Variants in RGS7 observed in about 807,000 individuals in gnomAD.
The protein encoded by RGS7 is regulator of G protein signaling 7.
Under a neutral mutation model 81.1 loss-of-function variants are expected in RGS7, and 27 were observed. That is an observed-to-expected ratio of 0.33 (90% CI 0.25 to 0.46). The LOEUF (loss-of-function observed/expected upper bound fraction) is 0.46. Among genes scored for constraint, RGS7 ranks in the 20% least tolerant of loss-of-function variants. The pLI, the probability that RGS7 is intolerant of heterozygous loss-of-function variation, is 1.00. For synonymous variants in RGS7, 208 were observed against 207.7 expected (o/e 1.00, Z -0.01); for missense variants, 396 against 607.4 (o/e 0.65, Z 3.66).
At chr1:241,054,404 AGGGTT>A (rs1378730164) in intron 3 of RGS7, among the ~76,000 whole-genome samples, 1 of 152,112 alleles carries the variant, frequency 6.6e-6, no homozygotes, top group East Asian at 1.9e-4. Flanking sequence ...GGAGTTTCCC[AGGGTT>A]TGATTCTCAT....
chr1:240,825,448 G>A (rs1692638382), intron 10 of RGS7, among the ~76,000 whole-genome samples: 1 of 152,168 alleles, frequency 6.6e-6, no homozygotes, highest in Admixed American at 6.5e-5. Flanking sequence ...TTATCAAAAG[G>A]TGAGAAAAAT....
At chr1:241,221,479 G>A (rs190314634) in intron 2 of RGS7, among the ~76,000 whole-genome samples, 2 of 152,350 alleles carry the variant, frequency 1.3e-5, no homozygotes, top group Admixed American at 1.3e-4. Context: ...ACGGGCAGAT[G>A]TAAATATCAC....
intron 2 of RGS7, among the ~76,000 whole-genome samples, chr1:241,131,034 C>G (rs1211100710): frequency 6.6e-6 from 1 of 151,038 alleles, no homozygotes; most frequent in Non-Finnish European, 1.5e-5. Flanking sequence ...AACTTTGTTA[C>G]AGAGATTTAT....
chr1:241,283,737 T>G (rs2078647358), intron 2 of RGS7, among the ~76,000 whole-genome samples: 1 of 152,154 alleles, frequency 6.6e-6, no homozygotes, highest in Non-Finnish European at 1.5e-5. Flanking sequence ...TTTTCCTCCT[T>G]ACAGGACTCT....
At chr1:240,854,548 G>A (rs1660724830) in intron 9 of RGS7, among the ~76,000 whole-genome samples, 1 of 152,152 alleles carries the variant, frequency 6.6e-6, no homozygotes, top group African/African-American at 2.4e-5. Flanking sequence ...GAAAGGAGAC[G>A]CTACGCCTCG....
At chr1:241,200,381 AACTAAAC>A (rs2073410064) in intron 2 of RGS7, among the ~76,000 whole-genome samples, 1 of 152,102 alleles carries the variant, frequency 6.6e-6, no homozygotes, top group Non-Finnish European at 1.5e-5. Flanking sequence ...AATTTTCACA[AACTAAAC>A]ACGTCCATGT....
At chr1:241,183,720 G>T (rs923766446) in intron 2 of RGS7, among the ~76,000 whole-genome samples, 1 of 152,210 alleles carries the variant, frequency 6.6e-6, no homozygotes. Flanking sequence ...CTGAATTCTA[G>T]TAAGAGAGTA....
intron 5 of RGS7, among the ~76,000 whole-genome samples, chr1:240,933,094 G>T (rs981926958): frequency 3.3e-5 from 5 of 150,084 alleles, no homozygotes; most frequent in South Asian, 4.2e-4. Context: ...GTGTTAGCCA[G>T]GATGGTCTCC....
At chr1:241,238,310 A>G (rs1389121528) in intron 2 of RGS7, among the ~76,000 whole-genome samples, 1 of 152,196 alleles carries the variant, frequency 6.6e-6, no homozygotes, top group Non-Finnish European at 1.5e-5. Flanking sequence ...ACTTCTGCCT[A>G]CAGATACTAT....
chr1:241,054,873 A>G (rs2061407542), intron 3 of RGS7, among the ~76,000 whole-genome samples: 1 of 152,192 alleles, frequency 6.6e-6, no homozygotes, highest in Non-Finnish European at 1.5e-5. Context: ...TAAAACTTAT[A>G]TCACTACTCT....
chr1:241,036,848 T>C (rs1304059568), intron 3 of RGS7, among the ~76,000 whole-genome samples: 2 of 152,142 alleles, frequency 1.3e-5, no homozygotes, highest in Non-Finnish European at 2.9e-5. Flanking sequence ...TCCTTCTCTA[T>C]AAAAAACCTC....
At chr1:241,299,935 CAAAAA>C (rs35939099) in intron 2 of RGS7, among the ~76,000 whole-genome samples, 69 of 58,072 alleles carry the variant, frequency 1.2e-3, no homozygotes, top group East Asian at 5.0e-3. Context: ...CTCGTTTCTC[CAAAAA>C]AAAAAAAAAA....
intron 6 of RGS7, among the ~76,000 whole-genome samples, chr1:240,896,669 C>T (rs936508294): frequency 2.0e-5 from 3 of 152,048 alleles, no homozygotes; most frequent in East Asian, 1.9e-4. Flanking sequence ...CAGTACCATG[C>T]GGTTTGGTTA....
chr1:241,162,805 G>C (rs187937026), intron 2 of RGS7, among the ~76,000 whole-genome samples: 4 of 152,236 alleles, frequency 2.6e-5, no homozygotes, highest in Admixed American at 2.6e-4. Flanking sequence ...GAGTCTTAAA[G>C]TTATAAGCTT....
chr1:241,059,186 A>G (rs1204585300), intron 3 of RGS7, among the ~76,000 whole-genome samples: 2 of 152,126 alleles, frequency 1.3e-5, no homozygotes, highest in African/African-American at 4.8e-5. Flanking sequence ...ACCTAGATCT[A>G]CAATGTTGGG....
chr1:241,266,267 C>A (rs984137956), intron 2 of RGS7, among the ~76,000 whole-genome samples: 1 of 152,174 alleles, frequency 6.6e-6, no homozygotes. Flanking sequence ...AGGATTAACA[C>A]CAAATTTTCA....
intron 2 of RGS7, among the ~76,000 whole-genome samples, chr1:241,231,604 C>T (rs752500399): frequency 2.0e-5 from 3 of 152,004 alleles, no homozygotes; most frequent in Admixed American, 1.3e-4. Flanking sequence ...AGCGATCCAC[C>T]CACCTTGGTC....
intron 2 of RGS7, among the ~76,000 whole-genome samples, chr1:241,340,645 A>G (rs191717919): frequency 6.6e-6 from 1 of 152,298 alleles, no homozygotes; most frequent in African/African-American, 2.4e-5. Context: ...AGGGTCAATT[A>G]TTGAGGTTTC....
chr1:240,815,693 A>C (rs1051652050), intron 11 of RGS7, among the ~76,000 whole-genome samples: 1 of 152,210 alleles, frequency 6.6e-6, no homozygotes, highest in African/African-American at 2.4e-5. Context: ...AAGAGTCAAA[A>C]TGAGAATAAA....
Sources: allele counts gnomAD v4.1 joint callset (sites outside exome capture counted in the v4.1 genomes callset), GRCh38; gene constraint gnomAD v4.1.1; transcripts MANE v1.5; gene names NCBI Gene and HGNC (gene_info 2026-07-23, HGNC 2026-07-21).